The following RSPH14 variants were observed in gnomAD, a reference collection of about 807,000 sequenced individuals.
The protein encoded by RSPH14 is rhabdoid tumor deletion region gene 1.
In RSPH14, 20 loss-of-function variants were observed where a neutral mutation model predicts 26.7. That is an observed-to-expected ratio of 0.75 (90% confidence interval 0.53 to 1.09). The LOEUF (loss-of-function observed/expected upper bound fraction) is 1.09, where lower values mean the gene tolerates loss of function less well. Among genes scored for constraint, RSPH14 ranks in the 50% least tolerant of loss-of-function variants. The probability of loss-of-function intolerance (pLI) is 0.00; values close to 1 mark genes in which losing one functional copy is unlikely to be tolerated. For missense variants in RSPH14, 449 were observed against 457.2 expected (o/e 0.98, Z 0.16); for synonymous variants, 177 against 189.3 (o/e 0.93, Z 0.53).
chr22:23,139,018 C>A, intron 2 of RSPH14, 76 bp from the exon 3 acceptor site: 1 of 1,183,530 alleles, frequency 8.4e-7, no homozygotes, highest in South Asian at 1.4e-5. Flanking sequence ...ACCCAGAAGT[C>A]AATAAGTGGG....
rs188914788 is a variant in RSPH14, at chr22:23,068,001, C to T, written c.422-3868G>A. Among the ~76,000 whole-genome samples the T allele has an allele frequency of 2.6e-5, 4 of 152,266 alleles. No individual in the cohort carries two copies. In the East Asian group the frequency reaches 7.7e-4, roughly 29 times the overall value. On this transcript the variant is annotated intron_variant, in intron 4 of 6. Coordinates refer to ENST00000216036, the MANE Select transcript of RSPH14 (RefSeq NM_014433.3). ...CCTACTGTAAACAGGCAATTAAAAA[C>T]TTCTCCTCCTCCTTCTCAAATTTAA...
At chr22:23,095,419 G>T in intron 4 of RSPH14, 1 of 460,234 alleles carries the variant, frequency 2.2e-6, no homozygotes, top group Non-Finnish European at 3.9e-6. Flanking sequence ...GCCGAGGACA[G>T]GGAATGACTA....
At chr22:23,082,371 C>T (rs2068707331) in intron 4 of RSPH14, among the ~76,000 whole-genome samples, 1 of 143,182 alleles carries the variant, frequency 7.0e-6, no homozygotes, top group Non-Finnish European at 1.5e-5. Flanking sequence ...ACCACCACAC[C>T]TGGCTATTTT....
chr22:23,086,634 C>A (rs758741650), intron 4 of RSPH14, among the ~76,000 whole-genome samples: 1 of 152,196 alleles, frequency 6.6e-6, no homozygotes, highest in Non-Finnish European at 1.5e-5. Context: ...AGACCCTCCC[C>A]GGGGCCCAGC....
chr22:23,078,218 G>A (rs752357299), intron 4 of RSPH14, among the ~76,000 whole-genome samples: 38 of 152,236 alleles, frequency 2.5e-4, no homozygotes, highest in Non-Finnish European at 4.1e-4. Flanking sequence ...GAAATGCTGG[G>A]AAGAAAAATA....
chr22:23,156,777 C>CT, the RSPH14 span, among the ~76,000 whole-genome samples: 3 of 152,226 alleles, frequency 2.0e-5, no homozygotes, highest in African/African-American at 7.2e-5. Context: ...CAGCTCTGCC[C>CT]TGGTCGCATG....
chr22:23,149,995 C>A, upstream of RSPH14: 2 of 1,275,806 alleles, frequency 1.6e-6, no homozygotes, highest in Non-Finnish European at 2.2e-6. Context: ...TCTCCCCTCA[C>A]TGCTTGGCTA....
intron 4 of RSPH14, among the ~76,000 whole-genome samples, chr22:23,130,139 GAA>G (rs927268058): frequency 9.0e-6 from 1 of 110,730 alleles, no homozygotes; most frequent in African/African-American, 3.5e-5. Flanking sequence ...AAGAAAGAAA[GAA>G]AGAAAGAAAG....
chr22:23,085,023 A>C (rs1309599105), intron 4 of RSPH14, among the ~76,000 whole-genome samples: 1 of 152,108 alleles, frequency 6.6e-6, no homozygotes, highest in Non-Finnish European at 1.5e-5. Flanking sequence ...GCCACCTGCC[A>C]CTAGGTGGGG....
intron 4 of RSPH14, among the ~76,000 whole-genome samples, chr22:23,103,721 C>T (rs757633533): frequency 5.3e-5 from 8 of 152,248 alleles, no homozygotes; most frequent in Non-Finnish European, 1.2e-4. Context: ...TTGCAGGAAG[C>T]AGTCCTTGTT....
chr22:23,072,228 ACT>A (rs1172377780), intron 4 of RSPH14, among the ~76,000 whole-genome samples: 1 of 151,862 alleles, frequency 6.6e-6, no homozygotes, highest in East Asian at 1.9e-4. Flanking sequence ...TTAGCTAGTG[ACT>A]CTGTGCCTCT....
At chr22:23,096,346 G>A in intron 4 of RSPH14, 2 of 1,613,656 alleles carry the variant, frequency 1.2e-6, no homozygotes, top group African/African-American at 1.3e-5. Flanking sequence ...ACTGCTTCGA[G>A]GGCGTCACAG....
chr22:23,159,220 C>T, the RSPH14 span: 283 of 1,604,892 alleles, frequency 1.8e-4, 1 homozygote, highest in Non-Finnish European at 2.2e-4. Context: ...CAGGGAGATG[C>T]AGGCCGAGTA....
rs10562943 is a variant in RSPH14, at chr22:23,065,534, C to CAAAAAAAAAAA, written c.422-1412_422-1402dup. Among the ~76,000 whole-genome samples, 6 of 45,174 alleles carry CAAAAAAAAAAA rather than the reference C, an allele frequency of 1.3e-4. 1 individual carries two copies. The highest frequency in any genetic ancestry group is 2.6e-4 in the African/African-American group (3 of 11,478). 29.6% of individuals were successfully genotyped at this position (45,174 alleles called of 152,430 possible). A position where few individuals can be genotyped will look rare whatever the true frequency, so the allele number is the denominator to read the frequency against. On this transcript the variant is annotated intron_variant, in intron 4 of 6. Transcript: ENST00000216036. ...TTTTTTATTTAATATGCACAGATTG[C>CAAAAAAAAAAA]AAAAAAAAAAAAAAAAAAAAAAAAA... is the stretch of plus-strand genomic sequence containing the variant.
chr22:23,133,692 C>T (rs1016354645), intron 4 of RSPH14, among the ~76,000 whole-genome samples: 62 of 152,180 alleles, frequency 4.1e-4, no homozygotes, highest in African/African-American at 1.3e-3. Context: ...CAGGTTCAAG[C>T]GATTCTTCTG....
chr22:23,160,877 AG>A, the RSPH14 span: 13 of 1,612,628 alleles, frequency 8.1e-6, no homozygotes, highest in East Asian at 2.9e-4. Flanking sequence ...GTGGGCCCAC[AG>A]GCGAGAACGT....
chr22:23,073,754 G>A (rs1279939228), intron 4 of RSPH14, among the ~76,000 whole-genome samples: 1 of 152,216 alleles, frequency 6.6e-6, no homozygotes, highest in Non-Finnish European at 1.5e-5. Flanking sequence ...CATTTGTTCA[G>A]CTAACATTTA....
At chr22:23,134,790 A>G (rs2146441793) in intron 3 of RSPH14, among the ~76,000 whole-genome samples, 1 of 152,294 alleles carries the variant, frequency 6.6e-6, no homozygotes, top group South Asian at 2.1e-4. Context: ...ACTTGAGCCC[A>G]GGAAGCAGAG....
chr22:23,071,401 C>T lies in RSPH14; in HGVS notation c.422-7268G>A, dbSNP rs1569157552. Among the ~76,000 whole-genome samples the T allele has an allele frequency of 6.6e-6, 1 of 152,154 alleles. No homozygotes were observed. ...ATGATGCCAAGCGAGACCAGCGTTC[C>T]GCGTAGTCCGTGTTGGGGTGGAGGG... On this transcript the variant is annotated intron_variant, in intron 4 of 6. Transcript: ENST00000216036. This position sits in a 1 kb window ranked among gnomAD's most constrained non-coding sequence, Gnocchi z 4.1.
Sources: allele counts gnomAD v4.1 joint callset (sites outside exome capture counted in the v4.1 genomes callset), GRCh38; gene constraint gnomAD v4.1.1; non-coding constraint Gnocchi (gnomAD v3.1); transcripts MANE v1.5; gene names NCBI Gene and HGNC (gene_info 2026-07-23, HGNC 2026-07-21).